The following GRM7 variants were observed in gnomAD, a reference collection of about 807,000 sequenced individuals.
GRM7 encodes glutamate metabotropic receptor 7, also known as metabotropic glutamate receptor 7.
A neutral mutation model predicts 84.5 loss-of-function variants in GRM7; 35 were observed. The observed-to-expected ratio is 0.41, with a 90% CI of 0.32 to 0.55. The LOEUF is 0.55. Ranked by LOEUF, GRM7 falls within the 20% of genes least tolerant of loss-of-function variation. The probability of loss-of-function intolerance (pLI) is 0.19; values close to 1 mark genes in which losing one functional copy is unlikely to be tolerated. For missense variants in GRM7, 1,003 were observed against 1,194.6 expected, an observed-to-expected ratio of 0.84 and a Z score of 2.36; for synonymous variants, 487 against 455.1, an observed-to-expected ratio of 1.07 and a Z score of -0.89.
chr3:6,912,079 C>T (rs1050481404), intron 1 of GRM7, among the ~76,000 whole-genome samples: 1 of 152,136 alleles, frequency 6.6e-6, no homozygotes, highest in African/African-American at 2.4e-5. Flanking sequence ...ATCAGACAGC[C>T]ATCTGATTGT....
At chr3:7,268,453 C>T (rs1167631742) in intron 2 of GRM7, among the ~76,000 whole-genome samples, 5 of 151,444 alleles carry the variant, frequency 3.3e-5, no homozygotes, top group Non-Finnish European at 7.4e-5. Context: ...AAGACCCTGT[C>T]TTAAAAAAAA....
At chr3:6,922,423 A>G (rs1697158490) in intron 1 of GRM7, among the ~76,000 whole-genome samples, 1 of 152,240 alleles carries the variant, frequency 6.6e-6, no homozygotes, top group Non-Finnish European at 1.5e-5. Flanking sequence ...CTCCAACTGT[A>G]ATACTTCATA....
In GRM7 at chr3:7,559,559, T is replaced by C. The variant is rs1203057175; in HGVS notation, c.1516-18863T>C. 2.0e-5 allele frequency among the ~76,000 whole-genome samples: 3 copies of C among 152,206 alleles called. No individual in the cohort carries two copies. In the East Asian group the frequency reaches 5.8e-4, roughly 29 times the overall value. ...TGAGAGAATCTTGGTATGGATGTGT[T>C]TCAAAGTCTCCCAACATGTTTCTAA... is the stretch of plus-strand genomic sequence containing the variant. On this transcript the variant is annotated intron_variant, in intron 7 of 9. Transcript: ENST00000357716.
In GRM7 at chr3:6,863,653, T is replaced by C. The variant is rs1011830552; in HGVS notation, c.519+1746T>C. Among the ~76,000 whole-genome samples, 1 of 152,138 alleles carries C rather than the reference T, an allele frequency of 6.6e-6. No individual in the cohort carries two copies. The highest frequency in any genetic ancestry group is 2.4e-5 in the African/African-American group (1 of 41,428). ...GAAACCCAGAGCCCTTCCTTCATCT[T>C]TGAGCTTAAAGCTAGACAAGTTGAG... On this transcript the variant is annotated intron_variant, in intron 1 of 9. Transcript: ENST00000357716. The surrounding 1 kb of genome is among the most constrained non-coding windows in gnomAD (Gnocchi z 4.8).
chr3:7,109,425 C>T (rs1436342400), intron 1 of GRM7, among the ~76,000 whole-genome samples: 1 of 152,158 alleles, frequency 6.6e-6, no homozygotes, highest in Non-Finnish European at 1.5e-5. Context: ...CCTCCCTCCA[C>T]CCTACCAATC....
chr3:7,227,847 G>A (rs942175505), intron 2 of GRM7, among the ~76,000 whole-genome samples: 2 of 152,134 alleles, frequency 1.3e-5, no homozygotes, highest in Non-Finnish European at 2.9e-5. Flanking sequence ...AGAGAGGAAG[G>A]CAACATAATG....
At chr3:7,190,430 G>A (rs1438748010) in intron 2 of GRM7, among the ~76,000 whole-genome samples, 1 of 152,028 alleles carries the variant, frequency 6.6e-6, no homozygotes, top group African/African-American at 2.4e-5. Context: ...GATGTGTGTT[G>A]GTTTTAGACT....
chr3:6,871,236 A>T (rs528948642), intron 1 of GRM7, among the ~76,000 whole-genome samples: 1 of 152,206 alleles, frequency 6.6e-6, no homozygotes, highest in Non-Finnish European at 1.5e-5. Context: ...CCCTGATGTT[A>T]TAATTGCAAC....
intron 8 of GRM7, among the ~76,000 whole-genome samples, chr3:7,676,013 T>C (rs2125136470): frequency 6.6e-6 from 1 of 152,214 alleles, no homozygotes; most frequent in East Asian, 1.9e-4. Context: ...TTTTTTTTTG[T>C]CGCCCAGGCT....
intron 2 of GRM7, among the ~76,000 whole-genome samples, chr3:7,217,129 A>T (rs2124864348): frequency 6.6e-6 from 1 of 152,308 alleles, no homozygotes; most frequent in East Asian, 1.9e-4. Context: ...TTTTTTAATA[A>T]AAAAGGAGCT....
At chr3:7,515,762 A>G (rs748394555) in intron 7 of GRM7, among the ~76,000 whole-genome samples, 2 of 152,154 alleles carry the variant, frequency 1.3e-5, no homozygotes, top group Non-Finnish European at 2.9e-5. Context: ...AGGCTGGCTT[A>G]TGTCACAGAT....
At chr3:7,295,257 T>C (rs1414656852) in intron 2 of GRM7, among the ~76,000 whole-genome samples, 2 of 152,212 alleles carry the variant, frequency 1.3e-5, no homozygotes, top group Non-Finnish European at 2.9e-5. Flanking sequence ...ACTATTCTTT[T>C]TCCTTTGAGT....
intron 4 of GRM7, among the ~76,000 whole-genome samples, chr3:7,352,981 A>G (rs1693228575): frequency 6.6e-6 from 1 of 152,126 alleles, no homozygotes; most frequent in African/African-American, 2.4e-5. Flanking sequence ...TGGCTTGATA[A>G]GGACTTGTGT....
At chr3:6,916,588 C>T (rs185632494) in intron 1 of GRM7, among the ~76,000 whole-genome samples, 282 of 152,218 alleles carry the variant, frequency 1.9e-3, no homozygotes, top group African/African-American at 6.4e-3. Context: ...GCATCTTGGG[C>T]ACCTTCTATG....
chr3:6,950,572 C>G (rs558548697), intron 1 of GRM7, among the ~76,000 whole-genome samples: 31 of 152,348 alleles, frequency 2.0e-4, no homozygotes, highest in African/African-American at 5.8e-4. Context: ...AACCACTGCT[C>G]TCTTCAAAAC....
chr3:7,491,431 T>C (rs1269886580), intron 7 of GRM7, among the ~76,000 whole-genome samples: 5 of 147,606 alleles, frequency 3.4e-5, no homozygotes, highest in South Asian at 2.1e-4. Context: ...TATATATATA[T>C]AGTGAGATTA....
intron 8 of GRM7, among the ~76,000 whole-genome samples, chr3:7,603,888 C>T (rs1696439248): frequency 6.6e-6 from 1 of 152,102 alleles, no homozygotes; most frequent in South Asian, 2.1e-4. Context: ...ATAAAAGCAG[C>T]ACACATTTGT....
At chr3:7,511,146 A>C (rs1374870934) in intron 7 of GRM7, among the ~76,000 whole-genome samples, 1 of 152,176 alleles carries the variant, frequency 6.6e-6, no homozygotes, top group Non-Finnish European at 1.5e-5. Flanking sequence ...AATTTCATTC[A>C]ACTCAGTTTC....
chr3:7,452,328 G>C (rs1035958996), intron 5 of GRM7, among the ~76,000 whole-genome samples: 1 of 152,150 alleles, frequency 6.6e-6, no homozygotes. Flanking sequence ...TGATCTCAAA[G>C]ATCCTTTTAT....
Sources: gnomAD v4.1 joint callset for allele counts (sites outside exome capture counted in the v4.1 genomes callset) on GRCh38, gnomAD v4.1.1 for gene constraint, Gnocchi (gnomAD v3.1) non-coding constraint, MANE v1.5 for transcripts, NCBI Gene and HGNC (gene_info 2026-07-23, HGNC 2026-07-21) for gene names.